DOT1L: variants seen among roughly 807,000 people sequenced by gnomAD.
DOT1L encodes histone-lysine N-methyltransferase, H3 lysine-79 specific.
In DOT1L, 33 loss-of-function variants were observed where a neutral mutation model predicts 153.3. The observed-to-expected ratio is 0.22, with a 90% CI of 0.16 to 0.29. The LOEUF is 0.29. DOT1L is among the 10% of genes least tolerant of loss of function. DOT1L has a pLI of 1.00. For synonymous variants in DOT1L, 1,135 were observed against 965.1 expected (o/e 1.18, Z -3.26); for missense variants, 1,847 against 2,119.9 (o/e 0.87, Z 2.53).
rs934176456 is a variant in DOT1L, at chr19:2,190,692, G to C, written c.265-320G>C. On this transcript the variant is annotated intron_variant, in intron 4 of 27. Transcript: ENST00000398665. The surrounding 1 kb of genome is among the most constrained non-coding windows in gnomAD (Gnocchi z 4.8). Reference sequence around the variant, plus strand: ...TGTCAGCGCCCCACCCTGCTGCCTTGGCCCAGAGGAGGGGTGGTGGTCTTG... The same window carrying C: ...TGTCAGCGCCCCACCCTGCTGCCTTCGCCCAGAGGAGGGGTGGTGGTCTTG... Among the ~76,000 whole-genome samples, 4 of 151,958 alleles carry C rather than the reference G, an allele frequency of 2.6e-5. No homozygotes were observed. The East Asian group carries it at 7.7e-4, about 29-fold the overall frequency.
intron 3 of DOT1L, 65 bp downstream of exon 3, chr19:2,185,994 G>A: frequency 1.4e-6 from 2 of 1,480,986 alleles, no homozygotes; most frequent in South Asian, 2.3e-5. Context: ...GAGGACAGGA[G>A]GACGCATCCT....
In DOT1L at chr19:2,226,602, G is replaced by T; in HGVS notation, c.4081G>T (p.Gly1361Cys). The part of the protein sequence containing the change: ...LSFPSQRGKE[G>C]SDANPFLSKR... The stretch of plus-strand genomic sequence containing the variant: ...CTTCCCCTCGCAGCGCGGCAAGGAG[G>T]GCTCGGACGCCAACCCTTTCCTGAG... The change falls in exon 27 of 28, where the codon GGC becomes TGC. Residue 1361 changes from glycine to cysteine, a missense_variant. Physicochemically the swap from Gly to Cys is radical, Grantham distance 159. Around this residue, in one of 8 missense-constraint regions of DOT1L, gnomAD observed 934 missense variants for 825.3 expected, o/e 1.13. Transcript: ENST00000398665. The T allele has an allele frequency of 6.3e-7, 1 of 1,597,992 alleles. No homozygotes were observed. Among genetic ancestry groups the T allele is most frequent in the South Asian group, 1.1e-5 (1 of 90,288 alleles).
chr19:2,174,211 G>T (rs999700381), intron 1 of DOT1L, among the ~76,000 whole-genome samples: 1 of 152,192 alleles, frequency 6.6e-6, no homozygotes, highest in African/African-American at 2.4e-5. Flanking sequence ...CTGGCTCTCG[G>T]GCAGCACCGT....
Position 2,216,524 on chromosome 19 carries a change from T to G in DOT1L, c.2167T>G (p.Cys723Gly). Residue 723 changes from cysteine to glycine, a missense_variant, in exon 20 of 28, where the codon TGC becomes GGC. Transcript: ENST00000398665. Reference sequence around the variant, plus strand: ...CGGCCAGGCTGCTGGCTATGAGCTCTGCGGTGTGCTGAGCCGGCCTTCGTC... The same window carrying G: ...CGGCCAGGCTGCTGGCTATGAGCTCGGCGGTGTGCTGAGCCGGCCTTCGTC... ...MNGQAAGYEL[C>G]GVLSRPSSKQ... 2 of 1,612,092 alleles carry G rather than the reference T, an allele frequency of 1.2e-6. No individual in the cohort carries two copies. Among genetic ancestry groups the G allele is most frequent in the Non-Finnish European group, 8.5e-7 (1 of 1,179,912 alleles).
In DOT1L at chr19:2,211,796, C is replaced by A; in HGVS notation, c.1511C>A (p.Thr504Asn). 1 of 1,574,254 alleles carries A rather than the reference C, an allele frequency of 6.4e-7. No homozygotes were observed. Among genetic ancestry groups the A allele is most frequent in the Non-Finnish European group, 8.6e-7 (1 of 1,159,538 alleles). The change falls in exon 16 of 28, where the codon ACC (threonine) becomes AAC (asparagine). Residue 504 changes from threonine to asparagine, a missense_variant. Around this residue, in one of 8 missense-constraint regions of DOT1L, gnomAD observed 156 missense variants for 235.7 expected, o/e 0.66. Transcript: ENST00000398665. ...QYLQFLAYTK[T>N]PQYKASLQEL... ...CTGCAGTTCCTGGCATACACAAAGACCCCCCAGTACAAGGCCAGCCTGCAG... is the reference window on the plus strand; with the variant it reads ...CTGCAGTTCCTGGCATACACAAAGAACCCCCAGTACAAGGCCAGCCTGCAG...
In DOT1L at chr19:2,230,199, C is replaced by G. The variant is rs890537090; in HGVS notation, c.*407C>G. On this transcript the variant is annotated 3_prime_UTR_variant, in exon 28 of 28. Transcript: ENST00000398665. ...CCAGGCCCGCGCCTGCCTCCACCCG[C>G]TTGGTGCTGACTAGACGCTGACAAC... 26 of 466,750 alleles carry G rather than the reference C, an allele frequency of 5.6e-5. No homozygotes were observed. The highest frequency in any genetic ancestry group is 9.0e-5 in the Non-Finnish European group (24 of 267,062). The allele number at this position is 466,750 out of a possible 1,614,324, so 28.9% of individuals were successfully genotyped here. A position where few individuals can be genotyped will look rare whatever the true frequency, so the allele number is the denominator to read the frequency against.
At chr19:2,194,102 GT>G (rs2022913144) in intron 6 of DOT1L, among the ~76,000 whole-genome samples, 1 of 152,208 alleles carries the variant, frequency 6.6e-6, no homozygotes, top group African/African-American at 2.4e-5. Flanking sequence ...GAAGCGGGGT[GT>G]TTTGGGTGGC....
At chr19:2,203,180 G>T (rs1033975034) in intron 9 of DOT1L, among the ~76,000 whole-genome samples, 1 of 152,134 alleles carries the variant, frequency 6.6e-6, no homozygotes, top group African/African-American at 2.4e-5. Flanking sequence ...TCAGCTTACC[G>T]CAACCTCTGC....
At position 2,193,428 on chromosome 19, in the gene DOT1L, G is replaced by A. The variant is rs1291393475; in HGVS notation, c.494-261G>A. Reference sequence around the variant, plus strand: ...CACATAGGGCCCTGAGACTCAAAATGGATTCTGGTTTCGGGGGCCACCAAG... The same window carrying A: ...CACATAGGGCCCTGAGACTCAAAATAGATTCTGGTTTCGGGGGCCACCAAG... On this transcript the variant is annotated intron_variant, in intron 5 of 27. Coordinates refer to ENST00000398665, the MANE Select transcript of DOT1L (RefSeq NM_032482.3). This position sits in a 1 kb window ranked among gnomAD's most constrained non-coding sequence, Gnocchi z 5.9. 2.0e-5 allele frequency among the ~76,000 whole-genome samples: 3 copies of A among 152,216 alleles called. No individual in the cohort carries two copies. The highest frequency in any genetic ancestry group is 3.8e-4 in the East Asian group (2 of 5,202).
chr19:2,218,869 G>A (rs1006908091), intron 22 of DOT1L, among the ~76,000 whole-genome samples: 12 of 151,192 alleles, frequency 7.9e-5, no homozygotes, highest in African/African-American at 2.7e-4. Flanking sequence ...GTTAATCCCC[G>A]CCCCCACCAG....
Position 2,228,772 on chromosome 19 carries a change from C to T in DOT1L, c.4607-1013C>T, listed in dbSNP as rs1035282243. On this transcript the variant is annotated intron_variant, in intron 27 of 27. Coordinates refer to ENST00000398665, the MANE Select transcript of DOT1L (RefSeq NM_032482.3). ...GGCCCAGGTCACTCATGACGGGTGG[C>T]GTGGCTTGGTGCTGTTCCCCAGGCG... 1.7e-5 allele frequency: 17 copies of T among 985,380 alleles called. No homozygotes were observed. The African/African-American group carries it at 1.7e-4, about 10-fold the overall frequency. 61.0% of individuals were successfully genotyped at this position (985,380 alleles called of 1,614,324 possible). A position where few individuals can be genotyped will look rare whatever the true frequency, so the allele number is the denominator to read the frequency against.
rs1046303436 is a variant in DOT1L at position 2,217,112 on chromosome 19, C to G, written c.2544+22C>G. 2 of 1,569,040 alleles carry G rather than the reference C, an allele frequency of 1.3e-6. No individual in the cohort carries two copies. The highest frequency in any genetic ancestry group is 1.7e-4 in the Middle Eastern group (1 of 5,736). On this transcript the variant is annotated intron_variant, in intron 21 of 27. Coordinates refer to ENST00000398665, the MANE Select transcript of DOT1L (RefSeq NM_032482.3). The surrounding 1 kb of genome is among the most constrained non-coding windows in gnomAD (Gnocchi z 7.3). ...GAAGGTGCGGGCCGCGACCCCTGCC[C>G]CGGGCTCAGGGAGGTGCTCAGCAGA...
At chr19:2,181,690 A>T (rs1487431059) in intron 2 of DOT1L, among the ~76,000 whole-genome samples, 1 of 152,118 alleles carries the variant, frequency 6.6e-6, no homozygotes, top group Non-Finnish European at 1.5e-5. Context: ...TCTTTGTAAA[A>T]GAAGTCTGGT....
chr19:2,199,827 G>T, intron 7 of DOT1L, 57 bp from the exon 8 acceptor site: 1 of 1,592,574 alleles, frequency 6.3e-7, no homozygotes, highest in Non-Finnish European at 8.6e-7. Context: ...GGGGCTGGGC[G>T]GGCTGGGAGT....
At chr19:2,224,255 A>G (rs55683900) in intron 25 of DOT1L, among the ~76,000 whole-genome samples, 13,989 of 152,126 alleles carry the variant, frequency 0.092, 1,397 homozygotes, top group African/African-American at 0.24. Flanking sequence ...GTTTGGGAGC[A>G]AGTTTCCCGT....
intron 22 of DOT1L, among the ~76,000 whole-genome samples, chr19:2,219,081 G>A (rs986968502): frequency 2.6e-5 from 4 of 152,128 alleles, no homozygotes; most frequent in African/African-American, 7.2e-5. Context: ...CATCTTGGCC[G>A]AGCTGGTCTC....
chr19:2,209,007 A>G (rs2023609128), intron 12 of DOT1L, 31 bp downstream of exon 12: 1 of 1,609,888 alleles, frequency 6.2e-7, no homozygotes, highest in Non-Finnish European at 8.5e-7. Flanking sequence ...TCTTGGGTTA[A>G]TAACACGCAT....
intron 7 of DOT1L, among the ~76,000 whole-genome samples, chr19:2,195,930 T>A (rs2022999243): frequency 6.6e-6 from 1 of 152,190 alleles, no homozygotes; most frequent in South Asian, 2.1e-4. Context: ...TCCAGTCCCC[T>A]CCCAGGTGGT....
At chr19:2,192,625 A>T (rs932498691) in intron 5 of DOT1L, among the ~76,000 whole-genome samples, 4 of 149,544 alleles carry the variant, frequency 2.7e-5, no homozygotes, top group African/African-American at 9.9e-5. Context: ...GTGAGACGAG[A>T]TCGCATCACG....
Sources: gnomAD v4.1 joint callset for allele counts (sites outside exome capture counted in the v4.1 genomes callset) on GRCh38, gnomAD v4.1.1 for gene constraint, gnomAD v4.1.1 regional missense constraint, Gnocchi (gnomAD v3.1) non-coding constraint, MANE v1.5 for transcripts, NCBI Gene and HGNC (gene_info 2026-07-23, HGNC 2026-07-21) for gene names.